INPP4B: variants seen among roughly 807,000 people sequenced by gnomAD.
The protein encoded by INPP4B is inositol polyphosphate-4-phosphatase type II B, also known as inositol polyphosphate 4-phosphatase type II.
Under a neutral mutation model 122.5 loss-of-function variants are expected in INPP4B, and 55 were observed. The observed-to-expected ratio is 0.45, with a 90% CI of 0.36 to 0.56. INPP4B has a LOEUF of 0.56. Ranked by LOEUF, INPP4B falls within the 20% of genes least tolerant of loss-of-function variation. INPP4B has a pLI of 0.00. For synonymous variants in INPP4B, 403 were observed against 388.7 expected, an observed-to-expected ratio of 1.04 and a Z score of -0.43; for missense variants, 1,000 against 1,097.7, an observed-to-expected ratio of 0.91 and a Z score of 1.26.
chr4:142,139,756 C>A (rs1806762521), intron 18 of INPP4B, among the ~76,000 whole-genome samples: 1 of 152,184 alleles, frequency 6.6e-6, no homozygotes, highest in Non-Finnish European at 1.5e-5. Flanking sequence ...ATCTTTGGCA[C>A]CAGCAAGACA....
intron 1 of INPP4B, among the ~76,000 whole-genome samples, chr4:142,830,223 A>G (rs1041832702): frequency 6.6e-6 from 1 of 152,238 alleles, no homozygotes; most frequent in Non-Finnish European, 1.5e-5. Context: ...TAAATTTAAT[A>G]AAAGGAAAAT....
chr4:142,410,618 T>A (rs1030145739), intron 5 of INPP4B, among the ~76,000 whole-genome samples: 1 of 152,194 alleles, frequency 6.6e-6, no homozygotes, highest in African/African-American at 2.4e-5. Flanking sequence ...TAAAGAAATT[T>A]TTTTTAACTT....
chr4:142,286,307 T>C (rs1753653261), intron 9 of INPP4B, among the ~76,000 whole-genome samples: 1 of 152,186 alleles, frequency 6.6e-6, no homozygotes, highest in African/African-American at 2.4e-5. Flanking sequence ...AATTTATCTA[T>C]TAGTAGTTAA....
chr4:142,246,124 GTATACACACACATATA>G (rs1728678884), intron 11 of INPP4B, among the ~76,000 whole-genome samples: 4 of 147,456 alleles, frequency 2.7e-5, no homozygotes, highest in Non-Finnish European at 6.0e-5. Flanking sequence ...ATATGTGTAT[GTATACACACACATATA>G]TATATACATA....
chr4:142,692,066 AT>A (rs540773611), intron 2 of INPP4B, among the ~76,000 whole-genome samples: 18 of 150,736 alleles, frequency 1.2e-4, no homozygotes, highest in Non-Finnish European at 1.2e-4. Flanking sequence ...CCCACTAAAG[AT>A]TTTTTTTTTC....
chr4:142,752,169 G>A (rs1161954393), intron 1 of INPP4B, among the ~76,000 whole-genome samples: 2 of 151,986 alleles, frequency 1.3e-5, no homozygotes, highest in African/African-American at 4.8e-5. Flanking sequence ...ATGGAAGCTA[G>A]CCACATAAGG....
chr4:142,603,043 C>T (rs544224579), intron 2 of INPP4B, among the ~76,000 whole-genome samples: 1 of 152,134 alleles, frequency 6.6e-6, no homozygotes, highest in African/African-American at 2.4e-5. Flanking sequence ...GAATACTACA[C>T]AGCCATAAAA....
intron 2 of INPP4B, among the ~76,000 whole-genome samples, chr4:142,631,532 A>G (rs1048782015): frequency 2.9e-4 from 44 of 152,130 alleles, no homozygotes; most frequent in Admixed American, 1.3e-4. Context: ...TGGAAACAAT[A>G]CGGACTAAAA....
At position 142,028,597 on chromosome 4, in the gene INPP4B, A is replaced by T. The variant is rs1471398938; in HGVS notation, c.*185T>A. 1.2e-5 allele frequency: 7 copies of T among 588,938 alleles called. No individual in the cohort carries two copies. The highest frequency in any genetic ancestry group is 6.8e-5 in the Admixed American group (2 of 29,200). The allele number at this position is 588,938 out of a possible 1,614,324, so 36.5% of individuals were successfully genotyped here. On this transcript the variant is annotated 3_prime_UTR_variant, in exon 26 of 26. Coordinates refer to ENST00000262992, the MANE Select transcript of INPP4B (RefSeq NM_001101669.3). ...AGTACTGAATCATGTAAGATTTTTT[A>T]AAATGGATTTCTTTCAGAGCAATAT...
At chr4:142,470,281 A>C (rs548179664) in intron 2 of INPP4B, among the ~76,000 whole-genome samples, 1 of 152,320 alleles carries the variant, frequency 6.6e-6, no homozygotes, top group East Asian at 1.9e-4. Flanking sequence ...AATATTTAAA[A>C]GATGCTTCAC....
chr4:142,391,856 C>G lies in INPP4B; in HGVS notation c.372+11082G>C, dbSNP rs566385538. Among the ~76,000 whole-genome samples, 6 of 152,178 alleles carry G rather than the reference C, an allele frequency of 3.9e-5. No individual in the cohort carries two copies. The South Asian group carries it at 1.2e-3, about 32-fold the overall frequency. On this transcript the variant is annotated intron_variant, in intron 7 of 25. Transcript: ENST00000262992. Reference sequence around the variant, plus strand: ...AGGTACATTTGGTTGCCTGTTGGGCCGTTTAAACATTTTATGAAGGGATTT... The same window carrying G: ...AGGTACATTTGGTTGCCTGTTGGGCGGTTTAAACATTTTATGAAGGGATTT...
chr4:142,765,859 C>A (rs2066910750), intron 1 of INPP4B: 1 of 149,318 alleles, frequency 6.7e-6, no homozygotes, highest in Non-Finnish European at 1.5e-5. Context: ...TTTTTTTAAT[C>A]AAATACAGAA....
At chr4:142,212,018 T>C (rs1017781183) in intron 12 of INPP4B, among the ~76,000 whole-genome samples, 2 of 152,064 alleles carry the variant, frequency 1.3e-5, no homozygotes, top group East Asian at 1.9e-4. Flanking sequence ...TGGTCAAAAA[T>C]GTGAAGACAT....
intron 7 of INPP4B, among the ~76,000 whole-genome samples, chr4:142,384,585 TTATGGAATCACCATTGCA>T (rs1404521563): frequency 3.9e-5 from 6 of 152,226 alleles, no homozygotes; most frequent in Non-Finnish European, 7.3e-5. Context: ...ACCATTGATC[TTATGGAATCACCATTGCA>T]TATGCAGTCC....
In INPP4B at chr4:142,766,086, C is replaced by T. The variant is rs112245170; in HGVS notation, c.-253-40185G>A. On this transcript the variant is annotated intron_variant, in intron 1 of 25. Transcript: ENST00000262992. ...AACATTTGCATAAACATCTTAATCA[C>T]AGATATTGGAATCAGAAACAGAAAT... The T allele has an allele frequency of 5.3e-5, 8 of 152,090 alleles. 1 individual carries two copies. The highest frequency in any genetic ancestry group is 1.9e-4 in the African/African-American group (8 of 41,520). 9.4% of individuals were successfully genotyped at this position (152,090 alleles called of 1,614,324 possible).
intron 8 of INPP4B, among the ~76,000 whole-genome samples, chr4:142,312,775 A>AGACCTGGC (rs1266017808): frequency 6.6e-6 from 1 of 152,190 alleles, no homozygotes; most frequent in African/African-American, 2.4e-5. Flanking sequence ...ATGGTAGGCA[A>AGACCTGGC]TTATGCTATG....
At chr4:142,629,056 T>C (rs754228684) in intron 2 of INPP4B, among the ~76,000 whole-genome samples, 62 of 152,190 alleles carry the variant, frequency 4.1e-4, no homozygotes, top group Non-Finnish European at 6.9e-4. Context: ...GAATATGCTA[T>C]TTTGATGAGA....
chr4:142,452,170 T>C (rs1230977836), intron 3 of INPP4B, among the ~76,000 whole-genome samples: 1 of 152,144 alleles, frequency 6.6e-6, no homozygotes, highest in East Asian at 1.9e-4. Flanking sequence ...TTTCTGTCCT[T>C]GTGATAGTTT....
chr4:142,659,798 C>G (rs975043305), intron 2 of INPP4B, among the ~76,000 whole-genome samples: 3 of 152,162 alleles, frequency 2.0e-5, no homozygotes, highest in African/African-American at 7.2e-5. Context: ...CACAAGACAT[C>G]CTTTCCTCTC....
Sources: allele counts gnomAD v4.1 joint callset (sites outside exome capture counted in the v4.1 genomes callset), GRCh38; gene constraint gnomAD v4.1.1; transcripts MANE v1.5; gene names NCBI Gene and HGNC (gene_info 2026-07-23, HGNC 2026-07-21).